The following PSD3 variants were observed in gnomAD, a reference collection of about 807,000 sequenced individuals.
The protein encoded by PSD3 is pleckstrin and Sec7 domain containing 3, also known as PH and SEC7 domain-containing protein 3.
PSD3 carries 49 observed loss-of-function variants against 105.5 expected under a neutral mutation model. The ratio of observed to expected loss-of-function variants is 0.46; its 90% CI spans 0.37 to 0.59. The LOEUF (loss-of-function observed/expected upper bound fraction) is 0.59. Ranked by LOEUF, PSD3 falls within the 20% of genes least tolerant of loss-of-function variation. The pLI is 0.00. For missense variants in PSD3, 1,561 were observed against 1,263.8 expected (o/e 1.24, Z -3.57); for synonymous variants, 557 against 457.8 (o/e 1.22, Z -2.77).
chr8:18,910,516 T>C (rs868096805), intron 2 of PSD3, among the ~76,000 whole-genome samples: 26 of 111,008 alleles, frequency 2.3e-4, no homozygotes, highest in African/African-American at 6.6e-4. Flanking sequence ...AGGGATAGCA[T>C]TGGGAGATAT....
intron 9 of PSD3, among the ~76,000 whole-genome samples, chr8:18,708,473 C>G (rs1206876910): frequency 6.6e-6 from 1 of 151,780 alleles, no homozygotes; most frequent in Non-Finnish European, 1.5e-5. Flanking sequence ...AGAAAAATTT[C>G]TAACTTTCAG....
chr8:18,843,726 G>C (rs1248055397), intron 4 of PSD3, among the ~76,000 whole-genome samples: 1 of 152,114 alleles, frequency 6.6e-6, no homozygotes, highest in Non-Finnish European at 1.5e-5. Flanking sequence ...AATATCAAAA[G>C]CATGGTAAAA....
chr8:18,801,162 C>T, intron 7 of PSD3, 108 bp downstream of exon 7: 1 of 624,674 alleles, frequency 1.6e-6, no homozygotes, highest in Non-Finnish European at 2.8e-6. Context: ...TAATAGTTAT[C>T]ACTAGGTAAC....
chr8:18,555,660 T>A (rs1176632937), intron 15 of PSD3, among the ~76,000 whole-genome samples: 1 of 152,224 alleles, frequency 6.6e-6, no homozygotes, highest in African/African-American at 2.4e-5. Flanking sequence ...CCATAGCATA[T>A]GGATCCTCAC....
At chr8:18,856,053 A>G (rs764909479) in intron 4 of PSD3, among the ~76,000 whole-genome samples, 2 of 152,100 alleles carry the variant, frequency 1.3e-5, no homozygotes, top group African/African-American at 2.4e-5. Context: ...CAAGTCCCCA[A>G]ATCCAAGCAG....
At chr8:18,642,153 T>G (rs889499658) in intron 10 of PSD3, among the ~76,000 whole-genome samples, 4 of 152,174 alleles carry the variant, frequency 2.6e-5, no homozygotes, top group African/African-American at 7.2e-5. Flanking sequence ...GTACAATGAC[T>G]GTAGTATGCT....
At chr8:18,844,799 A>T (rs907826093) in intron 4 of PSD3, among the ~76,000 whole-genome samples, 2 of 152,212 alleles carry the variant, frequency 1.3e-5, no homozygotes, top group African/African-American at 4.8e-5. Flanking sequence ...TAACCAAGAG[A>T]AGAATCGTAC....
chr8:18,717,165 C>T (rs796368164), intron 9 of PSD3, among the ~76,000 whole-genome samples: 40 of 151,816 alleles, frequency 2.6e-4, no homozygotes, highest in African/African-American at 9.4e-4. Context: ...AACCTAAAGC[C>T]AAAACATTTC....
At chr8:18,793,087 A>T (rs10108047) in intron 8 of PSD3, among the ~76,000 whole-genome samples, 20,723 of 152,126 alleles carry the variant, frequency 0.14, 1,645 homozygotes, top group East Asian at 0.34. Flanking sequence ...AGAAAACCAA[A>T]CACCGCATGT....
At chr8:18,626,728 T>A (rs1050687051) in intron 11 of PSD3, among the ~76,000 whole-genome samples, 1 of 152,104 alleles carries the variant, frequency 6.6e-6, no homozygotes, top group African/African-American at 2.4e-5. Context: ...TTCTGGTAGA[T>A]TTCCAAGAAG....
In PSD3 at chr8:18,811,987, A is replaced by G. The variant is rs563417380; in HGVS notation, c.1635-7089T>C. ...ACAATACATACAAATTGAAAGAAAA[A>G]TCATTTTTATTATTAAATAACGATT... On this transcript the variant is annotated intron_variant, in intron 4 of 15. Coordinates refer to ENST00000327040, the MANE Select transcript of PSD3 (RefSeq NM_015310.4). 2.0e-5 allele frequency among the ~76,000 whole-genome samples: 3 copies of G among 152,340 alleles called. No individual in the cohort carries two copies. In the East Asian group the frequency reaches 5.8e-4, roughly 29 times the overall value.
intron 4 of PSD3, among the ~76,000 whole-genome samples, chr8:18,814,094 C>G (rs983632068): frequency 1.3e-5 from 2 of 152,250 alleles, no homozygotes; most frequent in African/African-American, 4.8e-5. Context: ...CTGGAAGGGA[C>G]AGCCTCTTAT....
intron 8 of PSD3, among the ~76,000 whole-genome samples, chr8:18,767,969 G>C (rs1807162843): frequency 6.6e-6 from 1 of 151,222 alleles, no homozygotes; most frequent in Admixed American, 6.6e-5. Context: ...TCTGGAGATA[G>C]ACTTTTAAAA....
chr8:18,808,108 C>A (rs1285108834), intron 4 of PSD3, among the ~76,000 whole-genome samples: 3 of 152,184 alleles, frequency 2.0e-5, no homozygotes, highest in Non-Finnish European at 4.4e-5. Flanking sequence ...TTTTCCCATA[C>A]AAGTGACAGA....
chr8:19,006,420 T>G (rs2129474951), intron 1 of PSD3, among the ~76,000 whole-genome samples: 1 of 152,172 alleles, frequency 6.6e-6, no homozygotes, highest in East Asian at 1.9e-4. Flanking sequence ...TTCTTTCTCC[T>G]CTTCCTATCC....
At chr8:19,043,977 C>T (rs1828224267) in intron 1 of PSD3, among the ~76,000 whole-genome samples, 1 of 152,226 alleles carries the variant, frequency 6.6e-6, no homozygotes, top group Non-Finnish European at 1.5e-5. Context: ...GAGCAGCAAT[C>T]CCAGCCCCAG....
At chr8:18,625,074 G>C (rs892108010) in intron 11 of PSD3, among the ~76,000 whole-genome samples, 1 of 151,846 alleles carries the variant, frequency 6.6e-6, no homozygotes, top group Non-Finnish European at 1.5e-5. Flanking sequence ...CTACCCAAAA[G>C]TCATGAAGTT....
intron 12 of PSD3, among the ~76,000 whole-genome samples, chr8:18,594,242 T>TTA (rs1246282963): frequency 1.4e-4 from 1 of 7,162 alleles, no homozygotes; most frequent in African/African-American, 4.3e-4. Flanking sequence ...ATATATATTA[T>TTA]TATATATATT....
chr8:18,892,065 A>G (rs916675388), intron 2 of PSD3, among the ~76,000 whole-genome samples: 5 of 152,176 alleles, frequency 3.3e-5, no homozygotes, highest in African/African-American at 4.8e-5. Context: ...AACATAAAGA[A>G]GAGCCGAAGA....
Sources: allele counts gnomAD v4.1 joint callset (sites outside exome capture counted in the v4.1 genomes callset), GRCh38; gene constraint gnomAD v4.1.1; transcripts MANE v1.5; gene names NCBI Gene and HGNC (gene_info 2026-07-23, HGNC 2026-07-21).